The following GCNT4 variants were observed in gnomAD, a reference collection of about 807,000 sequenced individuals.
GCNT4 encodes the protein beta-1,3-galactosyl-O-glycosyl-glycoprotein beta-1,6-N-acetylglucosaminyltransferase 4.
GCNT4 carries 17 observed loss-of-function variants against 31.3 expected under a neutral mutation model. The observed-to-expected ratio is 0.54, with a 90% CI of 0.37 to 0.81. GCNT4 has a LOEUF of 0.81. Among genes scored for constraint, GCNT4 ranks in the 40% least tolerant of loss-of-function variants. The pLI is 0.00. For missense variants in GCNT4, 503 were observed against 525.5 expected, an observed-to-expected ratio of 0.96 and a Z score of 0.42; for synonymous variants, 158 against 190.6, an observed-to-expected ratio of 0.83 and a Z score of 1.41.
At chr5:75,038,657 G>C (rs1021700342) in intron 3 of GCNT4, among the ~76,000 whole-genome samples, 3 of 152,306 alleles carry the variant, frequency 2.0e-5, no homozygotes, top group East Asian at 1.9e-4. Context: ...CGGGCAAAGG[G>C]GGGGAGAGGT....
rs200239392 is a variant in GCNT4, at chr5:75,040,183, CTT to C, written c.-2+7712_-2+7713del. On this transcript the variant is annotated intron_variant, in intron 3 of 3. Transcript: ENST00000652361. ...CTTTTCCTCAGGTCCTCTCTGATAA[CTT>C]TTTTTTTTTTTTTTTGAGAGTCTCG... Among the ~76,000 whole-genome samples, 511 of 141,596 alleles carry C rather than the reference CTT, an allele frequency of 3.6e-3. 3 individuals carry two copies. Among genetic ancestry groups the C allele is most frequent in the African/African-American group, 0.012 (482 of 38,594 alleles). The allele number at this position is 141,596 out of a possible 152,430, so 92.9% of individuals were successfully genotyped here.
chr5:75,051,178 A>G (rs1412044163), intron 2 of GCNT4, among the ~76,000 whole-genome samples: 3 of 151,720 alleles, frequency 2.0e-5, no homozygotes, highest in Admixed American at 6.6e-5. Flanking sequence ...CCCCTCCCCC[A>G]TGGCTGCTTA....
upstream of GCNT4, among the ~76,000 whole-genome samples, chr5:75,053,974 A>G (rs994791533): frequency 6.6e-6 from 1 of 152,056 alleles, no homozygotes; most frequent in Admixed American, 6.5e-5. Flanking sequence ...TTTCTCCTTG[A>G]ACGCCGGGCT....
the GCNT4 span, among the ~76,000 whole-genome samples, chr5:75,018,463 G>A: frequency 6.6e-6 from 1 of 151,982 alleles, no homozygotes; most frequent in Admixed American, 6.5e-5. Context: ...TGTATTTTTA[G>A]TAGAGACGGG....
intron 3 of GCNT4, among the ~76,000 whole-genome samples, chr5:75,039,044 T>C (rs192929600): frequency 8.9e-4 from 136 of 152,264 alleles, no homozygotes; most frequent in African/African-American, 3.1e-3. Flanking sequence ...TGCTAAGAGA[T>C]AGCACTATTT....
Position 75,029,242 on chromosome 5 carries a change from T to C in GCNT4, c.796A>G (p.Thr266Ala). ...KPPNSKLERFTYHHELRRVPY... is the reference protein window; with the variant it reads ...KPPNSKLERFAYHHELRRVPY... Reference sequence around the variant, plus strand: ...ACCCGTCTAAGTTCATGATGGTAAGTGAATCTTTCCAATTTACTGTTTGGG... The same window carrying C: ...ACCCGTCTAAGTTCATGATGGTAAGCGAATCTTTCCAATTTACTGTTTGGG... The change falls in exon 4 of 4, where the codon ACT becomes GCT. Residue 266 changes from threonine (T) to alanine (A), a missense_variant. By Grantham distance (58) the Thr-to-Ala change is moderately conservative. Transcript: ENST00000652361. 6.2e-7 allele frequency: 1 copy of C among 1,614,140 alleles called. No individual in the cohort carries two copies. Among genetic ancestry groups the C allele is most frequent in the Admixed American group, 1.7e-5 (1 of 60,034 alleles).
At chr5:75,045,899 G>A (rs536235324) in intron 3 of GCNT4, among the ~76,000 whole-genome samples, 13 of 151,946 alleles carry the variant, frequency 8.6e-5, no homozygotes, top group Middle Eastern at 3.4e-3. Flanking sequence ...AAATTTTCCA[G>A]AAAAGACAGG....
At chr5:75,033,842 T>TC (rs1743137671) in intron 3 of GCNT4, among the ~76,000 whole-genome samples, 2 of 151,860 alleles carry the variant, frequency 1.3e-5, no homozygotes, top group Admixed American at 6.6e-5. Flanking sequence ...CCCTTGCTCC[T>TC]CACCCCCCGA....
rs1360510005 is a variant in GCNT4 at position 75,026,657 on chromosome 5, A to AC, written c.*2018_*2019insG. On this transcript the variant is annotated 3_prime_UTR_variant, in exon 4 of 4. Coordinates refer to ENST00000652361, the MANE Select transcript of GCNT4 (RefSeq NM_001366737.1). Reference sequence around the variant, plus strand: ...TTCAATCGATTCTCACAAAAAAAAAAAAAAAAAAAAAAAAACACTTGTGTG... The same window carrying AC: ...TTCAATCGATTCTCACAAAAAAAAAACAAAAAAAAAAAAAAACACTTGTGTG... 1.3e-5 allele frequency: 2 copies of AC among 150,878 alleles called. No homozygotes were observed. Among genetic ancestry groups the AC allele is most frequent in the Non-Finnish European group, 3.0e-5 (2 of 67,626 alleles). 9.3% of individuals were successfully genotyped at this position (150,878 alleles called of 1,614,324 possible). A position where few individuals can be genotyped will look rare whatever the true frequency, so the allele number is the denominator to read the frequency against.
At chr5:75,034,443 G>A (rs866120147) in intron 3 of GCNT4, among the ~76,000 whole-genome samples, 3 of 152,180 alleles carry the variant, frequency 2.0e-5, no homozygotes, top group Non-Finnish European at 4.4e-5. Context: ...CTGTCATGTT[G>A]GCCACATGGT....
Position 75,033,830 on chromosome 5 carries a change from T to A in GCNT4, c.-1-3792A>T. Among the ~76,000 whole-genome samples, 2 of 151,948 alleles carry A rather than the reference T, an allele frequency of 1.3e-5. 1 individual carries two copies. Among genetic ancestry groups the A allele is most frequent in the South Asian group, 4.2e-4 (2 of 4,806 alleles). ...TAGGTATTTGTCCTAATGCTCTCCC[T>A]CCCCTTGCTCCTCACCCCCCGATAG... On this transcript the variant is annotated intron_variant, in intron 3 of 3. Transcript: ENST00000652361.
intron 3 of GCNT4, among the ~76,000 whole-genome samples, chr5:75,037,642 GCCTGAGTGCAGATCA>G (rs1023859230): frequency 2.0e-5 from 3 of 152,054 alleles, no homozygotes; most frequent in African/African-American, 4.8e-5. Context: ...AGGCAGACTG[GCCTGAGTGCAGATCA>G]CCTGAGATCA....
chr5:75,038,406 C>G (rs1483748368), intron 3 of GCNT4, among the ~76,000 whole-genome samples: 2 of 152,222 alleles, frequency 1.3e-5, no homozygotes, highest in Non-Finnish European at 2.9e-5. Flanking sequence ...CATCATTTAA[C>G]CCCATCTCAT....
At chr5:75,019,536 A>T in the GCNT4 span, among the ~76,000 whole-genome samples, 8 of 152,166 alleles carry the variant, frequency 5.3e-5, no homozygotes, top group Admixed American at 5.2e-4. Flanking sequence ...TTAAAATCCC[A>T]ATCTCAGCTC....
intron 3 of GCNT4, among the ~76,000 whole-genome samples, chr5:75,042,118 C>T (rs979455936): frequency 6.6e-6 from 1 of 152,172 alleles, no homozygotes; most frequent in African/African-American, 2.4e-5. Context: ...CTTTGCCTCT[C>T]AAGCTTTATC....
upstream of GCNT4, among the ~76,000 whole-genome samples, chr5:75,054,002 C>T (rs1188848674): frequency 2.0e-5 from 3 of 152,164 alleles, no homozygotes; most frequent in Non-Finnish European, 4.4e-5. Context: ...GGCTCAGGCC[C>T]TGCAGGAATC....
At position 75,029,474 on chromosome 5, in the gene GCNT4, A is replaced by T; in HGVS notation, c.564T>A (p.Ile188=). ...NLAKCFSNIF[I]ASKLEAVEYA... ...ATTCCACAGCCTCTAATTTGGAAGC[A>T]ATGAAAATATTGGAGAAGCACTTAG... Residue 188 remains isoleucine, a synonymous_variant, in exon 4 of 4, where the codon ATT becomes ATA. Transcript: ENST00000652361. 3.7e-6 allele frequency: 6 copies of T among 1,614,114 alleles called. No individual in the cohort carries two copies. Among genetic ancestry groups the T allele is most frequent in the Non-Finnish European group, 5.1e-6 (6 of 1,180,024 alleles).
intron 3 of GCNT4, among the ~76,000 whole-genome samples, chr5:75,037,124 G>A (rs76900572): frequency 3.3e-5 from 5 of 152,088 alleles, no homozygotes; most frequent in Non-Finnish European, 7.4e-5. Flanking sequence ...ATATAAAGAC[G>A]AACTCACTAA....
At chr5:75,048,965 T>G (rs770736499) in intron 2 of GCNT4, among the ~76,000 whole-genome samples, 1 of 152,204 alleles carries the variant, frequency 6.6e-6, no homozygotes, top group Non-Finnish European at 1.5e-5. Context: ...GATGCTGATG[T>G]AACTGGTCCT....
Sources: allele counts gnomAD v4.1 joint callset (sites outside exome capture counted in the v4.1 genomes callset), GRCh38; gene constraint gnomAD v4.1.1; transcripts MANE v1.5; gene names NCBI Gene and HGNC (gene_info 2026-07-23, HGNC 2026-07-21).